Variants in OPA1 observed in about 807,000 individuals in gnomAD.
OPA1 encodes the protein dynamin-like GTPase OPA1, mitochondrial.
OPA1 carries 59 observed loss-of-function variants against 152.9 expected under a neutral mutation model. That is an observed-to-expected ratio of 0.39 (90% CI 0.31 to 0.48). The LOEUF is 0.48. Among genes scored for constraint, OPA1 ranks in the 20% least tolerant of loss-of-function variants. The pLI, the probability that OPA1 is intolerant of heterozygous loss-of-function variation, is 0.96. For missense variants in OPA1, 1,008 were observed against 1,216.8 expected (o/e 0.83, Z 2.55); for synonymous variants, 400 against 389.9 (o/e 1.03, Z -0.31).
chr3:193,677,020 T>TATCAATAA (rs1719247903), intron 29 of OPA1, among the ~76,000 whole-genome samples: 1 of 143,966 alleles, frequency 6.9e-6, no homozygotes, highest in South Asian at 2.3e-4. Flanking sequence ...TGTTGAAGAA[T>TATCAATAA]ATCAATAAAT....
intron 29 of OPA1, among the ~76,000 whole-genome samples, chr3:193,683,080 T>TTA (rs1720414252): frequency 6.6e-6 from 1 of 152,128 alleles, no homozygotes; most frequent in South Asian, 2.1e-4. Flanking sequence ...AATGTCACCA[T>TTA]TAACAGTTTG....
intron 29 of OPA1, among the ~76,000 whole-genome samples, chr3:193,677,586 T>G (rs1011839957): frequency 6.6e-6 from 1 of 152,106 alleles, no homozygotes; most frequent in African/African-American, 2.4e-5. Flanking sequence ...AAGGGATTGG[T>G]GGATTGATGC....
rs73067661 is a variant in OPA1 at position 193,619,171 on chromosome 3, T to C, written c.678+235T>C. On this transcript the variant is annotated intron_variant, in intron 6 of 30. Coordinates refer to ENST00000361510, the MANE Select transcript of OPA1 (RefSeq NM_130837.3). ...TCCAGTGAAGCATTAGTTTCGAGGGTTGTCCCCAAGAAAGAGTTGTGTTGT... is the reference window on the plus strand; with the variant it reads ...TCCAGTGAAGCATTAGTTTCGAGGGCTGTCCCCAAGAAAGAGTTGTGTTGT... 7.3e-3 allele frequency among the ~76,000 whole-genome samples: 1,107 copies of C among 152,302 alleles called. 9 individuals are homozygous for C. Among genetic ancestry groups the C allele is most frequent in the African/African-American group, 0.022 (895 of 41,556 alleles).
At chr3:193,607,518 G>C (rs144538292) in intron 1 of OPA1, among the ~76,000 whole-genome samples, 2,089 of 152,300 alleles carry the variant, frequency 0.014, 56 homozygotes, top group African/African-American at 0.048. Flanking sequence ...TTATTAAATA[G>C]GGAATCGTTT....
chr3:193,619,545 A>T (rs1729663043), intron 6 of OPA1: 1 of 152,354 alleles, frequency 6.6e-6, no homozygotes, highest in Non-Finnish European at 1.5e-5. Context: ...GTTATAGGAG[A>T]ATTGCTGAGG....
rs374939986 is a variant in OPA1 at position 193,694,892 on chromosome 3, C to G, written c.*292C>G. 4 of 152,138 alleles carry G rather than the reference C, an allele frequency of 2.6e-5. No individual in the cohort carries two copies. The East Asian group carries it at 5.8e-4, about 22-fold the overall frequency. The allele number at this position is 152,138 out of a possible 1,614,324, so 9.4% of individuals were successfully genotyped here. On this transcript the variant is annotated 3_prime_UTR_variant, in exon 31 of 31. Coordinates refer to ENST00000361510, the MANE Select transcript of OPA1 (RefSeq NM_130837.3). The stretch of plus-strand genomic sequence containing the variant: ...TCCTTGAAGATAAGAAACTTGTTCT[C>G]TGTTTGTTGTCTTATTTGTGGTGGC...
chr3:193,613,878 T>C (rs968020291), intron 1 of OPA1: 1 of 516,480 alleles, frequency 1.9e-6, no homozygotes, highest in African/African-American at 1.9e-5. Context: ...ACACCCTGCC[T>C]CCTTCTTAAG....
intron 21 of OPA1, among the ~76,000 whole-genome samples, chr3:193,653,630 T>C (rs1713075406): frequency 6.6e-6 from 1 of 152,230 alleles, no homozygotes; most frequent in Admixed American, 6.5e-5. Flanking sequence ...ATGCATCTTT[T>C]ACATTGTTAC....
rs1721148749 is a variant in OPA1, at chr3:193,688,063, C to G, written c.2984-4000C>G. On this transcript the variant is annotated intron_variant, in intron 29 of 30. Coordinates refer to ENST00000361510, the MANE Select transcript of OPA1 (RefSeq NM_130837.3). ...CTTGCCTCCTGTTCCCAGGCTTGCTCTAGCTCTTCTGATCCTGTCTTCCTC... is the reference window on the plus strand; with the variant it reads ...CTTGCCTCCTGTTCCCAGGCTTGCTGTAGCTCTTCTGATCCTGTCTTCCTC... Among the ~76,000 whole-genome samples, 3 of 152,244 alleles carry G rather than the reference C, an allele frequency of 2.0e-5. No homozygotes were observed. In the South Asian group the frequency reaches 6.2e-4, roughly 32 times the overall value.
intron 7 of OPA1, chr3:193,627,083 G>T (rs924242212): frequency 3.3e-5 from 5 of 152,142 alleles, no homozygotes; most frequent in African/African-American, 1.2e-4. Context: ...ATATACAAAT[G>T]CTAGTCAGGA....
At chr3:193,688,122 A>T (rs1325853550) in intron 29 of OPA1, among the ~76,000 whole-genome samples, 1 of 152,168 alleles carries the variant, frequency 6.6e-6, no homozygotes, top group African/African-American at 2.4e-5. Flanking sequence ...TCATGAAGCC[A>T]GCTAAGTTAG....
intron 26 of OPA1, among the ~76,000 whole-genome samples, chr3:193,663,871 C>T (rs1715895298): frequency 6.6e-6 from 1 of 152,102 alleles, no homozygotes; most frequent in Admixed American, 6.5e-5. Flanking sequence ...CTAATGATTA[C>T]ATGAGCTGTT....
chr3:193,637,930 G>C, intron 10 of OPA1, 22 bp from the exon 11 acceptor site: 3 of 1,560,592 alleles, frequency 1.9e-6, no homozygotes, highest in Non-Finnish European at 2.7e-6. Context: ...ATATGAATAA[G>C]TGTTCTTTGT....
intron 7 of OPA1, among the ~76,000 whole-genome samples, chr3:193,631,253 C>T (rs1056487611): frequency 6.6e-6 from 1 of 152,136 alleles, no homozygotes; most frequent in Non-Finnish European, 1.5e-5. Context: ...TGCTTTATTT[C>T]CCCAAATATC....
At chr3:193,648,209 G>T in intron 20 of OPA1, 75 bp downstream of exon 20, 2 of 1,145,632 alleles carry the variant, frequency 1.7e-6, no homozygotes, top group Non-Finnish European at 2.6e-6. Context: ...TATGTTGAGA[G>T]AAAAATCTGA....
At chr3:193,654,746 C>A in intron 21 of OPA1, 116 bp from the exon 22 acceptor site, 1 of 1,109,770 alleles carries the variant, frequency 9.0e-7, no homozygotes, top group Non-Finnish European at 1.3e-6. Context: ...CATGTGAAAA[C>A]TTATCAAAAT....
intron 1 of OPA1, among the ~76,000 whole-genome samples, chr3:193,604,985 A>C (rs150263160): frequency 9.5e-4 from 144 of 152,288 alleles, no homozygotes; most frequent in African/African-American, 3.3e-3. Context: ...CCTTAATAGG[A>C]GAGCATAACA....
chr3:193,606,995 A>T (rs1467513879), intron 1 of OPA1, among the ~76,000 whole-genome samples: 3 of 152,032 alleles, frequency 2.0e-5, no homozygotes, highest in Non-Finnish European at 2.9e-5. Flanking sequence ...TGTGGTTTTG[A>T]TTTGCATTTC....
chr3:193,658,586 G>C (rs1364622273), intron 23 of OPA1, among the ~76,000 whole-genome samples: 1 of 152,136 alleles, frequency 6.6e-6, no homozygotes, highest in Non-Finnish European at 1.5e-5. Context: ...TGCATTTCAT[G>C]TAGTTAAATT....
Sources: allele counts gnomAD v4.1 joint callset (sites outside exome capture counted in the v4.1 genomes callset), GRCh38; gene constraint gnomAD v4.1.1; transcripts MANE v1.5; gene names NCBI Gene and HGNC (gene_info 2026-07-23, HGNC 2026-07-21).